Variants in GMDS observed in about 807,000 individuals in gnomAD.
GMDS encodes the protein GDP-mannose 4,6 dehydratase.
Under a neutral mutation model 49.9 loss-of-function variants are expected in GMDS, and 20 were observed. The observed-to-expected ratio is 0.40, with a 90% CI of 0.28 to 0.58. The LOEUF is 0.58. GMDS is among the 20% of genes least tolerant of loss of function. GMDS has a pLI of 0.42. For missense variants in GMDS, 362 were observed against 481.4 expected (o/e 0.75, Z 2.32); for synonymous variants, 177 against 178.6 (o/e 0.99, Z 0.07).
At chr6:2,101,668 A>G (rs539439826) in intron 4 of GMDS, among the ~76,000 whole-genome samples, 2 of 152,222 alleles carry the variant, frequency 1.3e-5, no homozygotes, top group East Asian at 3.9e-4. Context: ...ATAAAGACAC[A>G]AACTGTGGGG....
chr6:2,117,569 A>T lies in GMDS; in HGVS notation c.148-13T>A. 1 of 1,464,984 alleles carries T rather than the reference A, an allele frequency of 6.8e-7. No homozygotes were observed. Among genetic ancestry groups the T allele is most frequent in the Non-Finnish European group, 9.6e-7 (1 of 1,044,172 alleles). The allele number at this position is 1,464,984 out of a possible 1,614,324, so 90.7% of individuals were successfully genotyped here. A position where few individuals can be genotyped will look rare whatever the true frequency, so the allele number is the denominator to read the frequency against. On this transcript the variant is annotated splice_polypyrimidine_tract_variant and intron_variant, in intron 2 of 10. Transcript: ENST00000380815. ...CAATTCCATGGACCTGAGTTTTTAC[A>T]GTGTGGAAAGATAAATGTGCAATGA...
chr6:2,176,027 T>A, intron 1 of GMDS: 7 of 1,529,406 alleles, frequency 4.6e-6, no homozygotes, highest in Non-Finnish European at 6.1e-6. Flanking sequence ...AGAGCACAGA[T>A]GCTTTACTGT....
intron 9 of GMDS, among the ~76,000 whole-genome samples, chr6:1,677,310 T>A (rs113100272): frequency 0.021 from 3,253 of 152,186 alleles, 98 homozygotes; most frequent in African/African-American, 0.074. Context: ...CTGGAGAGGA[T>A]GTGGAGAAAT....
intron 7 of GMDS, among the ~76,000 whole-genome samples, chr6:1,788,397 G>A (rs930420423): frequency 6.6e-6 from 1 of 152,212 alleles, no homozygotes; most frequent in African/African-American, 2.4e-5. Flanking sequence ...GCTTAATTCT[G>A]GGGGCATTTT....
At chr6:1,951,717 T>C (rs575406608) in intron 6 of GMDS, among the ~76,000 whole-genome samples, 1 of 152,296 alleles carries the variant, frequency 6.6e-6, no homozygotes, top group South Asian at 2.1e-4. Context: ...GTCTTTTATA[T>C]TAGTTCTTCC....
At chr6:1,983,493 T>C (rs1430576517) in intron 4 of GMDS, among the ~76,000 whole-genome samples, 1 of 152,152 alleles carries the variant, frequency 6.6e-6, no homozygotes. Flanking sequence ...GACAAAGGTC[T>C]AACATCCATC....
At chr6:1,633,724 G>C (rs1300032402) in intron 9 of GMDS, among the ~76,000 whole-genome samples, 1 of 152,160 alleles carries the variant, frequency 6.6e-6, no homozygotes. Flanking sequence ...CTGTGACTGG[G>C]CATGGGGAGT....
chr6:2,088,305 G>A (rs780912826), intron 4 of GMDS, among the ~76,000 whole-genome samples: 4 of 152,122 alleles, frequency 2.6e-5, no homozygotes, highest in Non-Finnish European at 5.9e-5. Context: ...TAAGTGATTC[G>A]TTTGCAAAAA....
chr6:1,812,559 G>A (rs1041202540), intron 7 of GMDS, among the ~76,000 whole-genome samples: 1 of 151,582 alleles, frequency 6.6e-6, no homozygotes, highest in African/African-American at 2.4e-5. Flanking sequence ...AAGAGAAGGG[G>A]CAGCAAAGGG....
chr6:1,828,378 T>C (rs6934582), intron 7 of GMDS, among the ~76,000 whole-genome samples: 16,617 of 152,142 alleles, frequency 0.11, 1,148 homozygotes, highest in Middle Eastern at 0.2. Flanking sequence ...GAAAGTGTAT[T>C]TGAAGAAGTA....
At chr6:2,097,535 C>T (rs1773678159) in intron 4 of GMDS, among the ~76,000 whole-genome samples, 2 of 152,152 alleles carry the variant, frequency 1.3e-5, no homozygotes, top group Non-Finnish European at 2.9e-5. Flanking sequence ...CCACTGTTTT[C>T]CCCCCTTAAA....
At chr6:1,834,625 G>T (rs1169376784) in intron 7 of GMDS, among the ~76,000 whole-genome samples, 1 of 152,124 alleles carries the variant, frequency 6.6e-6, no homozygotes, top group African/African-American at 2.4e-5. Flanking sequence ...TTCTTAAAGA[G>T]AATTGAAGGG....
intron 7 of GMDS, among the ~76,000 whole-genome samples, chr6:1,913,580 A>G (rs1038728822): frequency 5.9e-5 from 9 of 152,098 alleles, no homozygotes; most frequent in Non-Finnish European, 1.2e-4. Context: ...AGTCACAGGG[A>G]AAAAAAGGCT....
At chr6:1,997,659 T>TA in intron 4 of GMDS, among the ~76,000 whole-genome samples, 1 of 152,060 alleles carries the variant, frequency 6.6e-6, no homozygotes. Context: ...TCCCAGGAAA[T>TA]ACACCTGGAA....
intron 4 of GMDS, among the ~76,000 whole-genome samples, chr6:2,084,479 C>T (rs1772892484): frequency 6.6e-6 from 1 of 152,096 alleles, no homozygotes; most frequent in South Asian, 2.1e-4. Context: ...CAGCAAGCAG[C>T]TCTAATAAAA....
At chr6:2,070,061 A>G (rs1467725289) in intron 4 of GMDS, among the ~76,000 whole-genome samples, 2 of 151,544 alleles carry the variant, frequency 1.3e-5, no homozygotes, top group Non-Finnish European at 2.9e-5. Context: ...AATGTGGCAC[A>G]TATACACCAT....
chr6:1,931,506 C>T (rs1762283277), intron 6 of GMDS, among the ~76,000 whole-genome samples: 1 of 152,128 alleles, frequency 6.6e-6, no homozygotes, highest in Non-Finnish European at 1.5e-5. Context: ...TTAAGAAATA[C>T]AAAGTTTCAA....
At chr6:1,788,324 C>A (rs1769400189) in intron 7 of GMDS, among the ~76,000 whole-genome samples, 1 of 152,190 alleles carries the variant, frequency 6.6e-6, no homozygotes, top group South Asian at 2.1e-4. Flanking sequence ...ATAGATTCTT[C>A]AATTTCTTCA....
chr6:1,832,171 G>A (rs1213831013), intron 7 of GMDS, among the ~76,000 whole-genome samples: 5 of 150,962 alleles, frequency 3.3e-5, no homozygotes, highest in African/African-American at 9.7e-5. Context: ...GGCTGGTCTC[G>A]AAGTTGTTCA....
Sources: gnomAD v4.1 joint callset for allele counts (sites outside exome capture counted in the v4.1 genomes callset) on GRCh38, gnomAD v4.1.1 for gene constraint, MANE v1.5 for transcripts, NCBI Gene and HGNC (gene_info 2026-07-23, HGNC 2026-07-21) for gene names.